MXRA5: variants seen among roughly 807,000 people sequenced by gnomAD.
The protein encoded by MXRA5 is matrix remodeling associated 5, also known as matrix-remodeling-associated protein 5.
Under a neutral mutation model 112.5 loss-of-function variants are expected in MXRA5, and 41 were observed. That is an observed-to-expected ratio of 0.36 (90% CI 0.28 to 0.47). The LOEUF is 0.47. Among genes scored for constraint, MXRA5 ranks in the 20% least tolerant of loss-of-function variants. The pLI is 0.99. For synonymous variants in MXRA5, 862 were observed against 900.8 expected (o/e 0.96, Z 0.77); for missense variants, 2,150 against 2,251.0 (o/e 0.96, Z 0.91).
chrX:3,317,295 C>G lies in MXRA5; in HGVS notation c.6386G>C (p.Gly2129Ala). Residue 2129 changes from glycine (G) to alanine (A), a missense_variant, in exon 6 of 7, where the codon GGC becomes GCC. By Grantham distance (60) the Gly-to-Ala change is moderately conservative. Coordinates refer to ENST00000217939, the MANE Select transcript of MXRA5 (RefSeq NM_015419.4). ...CAGCTGCACCGTCCTGCGCGCGGAG[C>G]CTACCAGGTTGGCGGCCACGCACTC... Reference protein sequence around the residue: ...RYECVAANLVGSARRTVQLNV... With the variant: ...RYECVAANLVASARRTVQLNV... The G allele has an allele frequency of 8.3e-7, 1 of 1,205,902 alleles. No homozygotes were observed. Among genetic ancestry groups the G allele is most frequent in the Non-Finnish European group, 1.1e-6 (1 of 892,017 alleles).
intron 2 of MXRA5, among the ~76,000 whole-genome samples, chrX:3,340,887 C>T (rs1921900645): frequency 1.0e-5 from 1 of 99,186 alleles, no homozygotes; most frequent in Non-Finnish European, 2.0e-5. Flanking sequence ...CCCTCATTTC[C>T]AGCCTGATAT....
At chrX:3,340,124 T>A (rs779781683) in intron 2 of MXRA5, among the ~76,000 whole-genome samples, 6 of 108,205 alleles carry the variant, frequency 5.5e-5, no homozygotes, top group East Asian at 2.8e-4. Flanking sequence ...TGAAAAAAAA[T>A]ATTTGGAAAG....
intron 1 of MXRA5, 32 bp from the exon 2 acceptor site, chrX:3,343,893 T>G (rs776543780): frequency 1.8e-6 from 2 of 1,125,066 alleles, no homozygotes; most frequent in African/African-American, 3.6e-5. Flanking sequence ...ATGAGCTTAT[T>G]CACAGGTAGC....
chrX:3,314,159 C>A (rs1040994244), intron 6 of MXRA5, among the ~76,000 whole-genome samples: 1 of 112,334 alleles, frequency 8.9e-6, no homozygotes, highest in Non-Finnish European at 1.9e-5. Flanking sequence ...TCCATTTTAC[C>A]TTTCCTCTAC....
Position 3,346,629 on chromosome X carries a change from G to C in MXRA5, c.-143C>G. The C allele has an allele frequency of 1.4e-6, 1 of 690,657 alleles. No individual in the cohort carries two copies. The highest frequency in any genetic ancestry group is 1.7e-6 in the Non-Finnish European group (1 of 580,691). 56.9% of individuals were successfully genotyped at this position (690,657 alleles called of 1,213,427 possible). A position where few individuals can be genotyped will look rare whatever the true frequency, so the allele number is the denominator to read the frequency against. Reference sequence around the variant, plus strand: ...GGGCCATGCCCTTCCCGGGGCCGGGGGTGAGGCAGCTCGGCTTCCCAGCGC... The same window carrying C: ...GGGCCATGCCCTTCCCGGGGCCGGGCGTGAGGCAGCTCGGCTTCCCAGCGC... On this transcript the variant is annotated 5_prime_UTR_variant, in exon 1 of 7. Transcript: ENST00000217939.
intron 2 of MXRA5, among the ~76,000 whole-genome samples, chrX:3,340,415 A>G (rs928435724): frequency 7.1e-5 from 8 of 112,210 alleles, no homozygotes; most frequent in African/African-American, 2.3e-4. Context: ...CAATGCTATT[A>G]TGATATTATT....
At position 3,330,620 on chromosome X, in the gene MXRA5, C is replaced by T. The variant is rs375778272; in HGVS notation, c.318+24G>A. On this transcript the variant is annotated intron_variant, in intron 3 of 6. Coordinates refer to ENST00000217939, the MANE Select transcript of MXRA5 (RefSeq NM_015419.4). ...GGTCTTAGAGGATGCAATTTAGTGA[C>T]GCTTATAAATGCCGTGGGTTTACCT... The T allele has an allele frequency of 3.5e-5, 42 of 1,200,053 alleles. No homozygotes were observed. The African/African-American group carries it at 5.2e-4, about 15-fold the overall frequency.
At chrX:3,332,577 A>G (rs1213442769) in intron 2 of MXRA5, among the ~76,000 whole-genome samples, 1 of 112,500 alleles carries the variant, frequency 8.9e-6, no homozygotes, top group Admixed American at 9.4e-5. Flanking sequence ...TTATGCAAAG[A>G]AAACATCAGA....
At position 3,321,239 on chromosome X, in the gene MXRA5, G is replaced by T. The variant is rs1921294991; in HGVS notation, c.4446C>A (p.Thr1482=). ...LLSETRPQNH[T]PTAARMKEPA... ...GCTCCTTCATCCGGGCAGCAGTAGG[G>T]GTGTGATTCTGTGGTCTAGTTTCAG... is the stretch of plus-strand genomic sequence containing the variant. Residue 1482 remains threonine, a synonymous_variant, in exon 5 of 7, where the codon ACC becomes ACA. Coordinates refer to ENST00000217939, the MANE Select transcript of MXRA5 (RefSeq NM_015419.4). The T allele has an allele frequency of 1.7e-6, 2 of 1,211,371 alleles. No individual in the cohort carries two copies. The highest frequency in any genetic ancestry group is 3.5e-5 in the African/African-American group (2 of 57,735).
At chrX:3,338,685 T>A (rs1182901196) in intron 2 of MXRA5, among the ~76,000 whole-genome samples, 2 of 109,134 alleles carry the variant, frequency 1.8e-5, no homozygotes, top group African/African-American at 6.7e-5. Flanking sequence ...ATGATAGAGA[T>A]CAATGATAGG....
At chrX:3,326,964 T>A (rs1336168946) in intron 4 of MXRA5, among the ~76,000 whole-genome samples, 1 of 110,947 alleles carries the variant, frequency 9.0e-6, no homozygotes, top group Admixed American at 9.6e-5. Flanking sequence ...GCAAGAAGAG[T>A]CCTCAAACTG....
intron 4 of MXRA5, among the ~76,000 whole-genome samples, chrX:3,327,525 G>A (rs1921542185): frequency 8.9e-6 from 1 of 112,181 alleles, no homozygotes; most frequent in African/African-American, 3.2e-5. Context: ...GAAAAGATGA[G>A]TTCAATGCTC....
At position 3,322,404 on chromosome X, in the gene MXRA5, G is replaced by T; in HGVS notation, c.3281C>A (p.Thr1094Asn). 1 of 1,211,639 alleles carries T rather than the reference G, an allele frequency of 8.3e-7. No homozygotes were observed. Among genetic ancestry groups the T allele is most frequent in the Non-Finnish European group, 1.1e-6 (1 of 895,427 alleles). ...TATACCCAGTGTGGAGTCAGGCAAA[G>T]TGATGGATTTGCTCTCTTGGCCCTC... Reference protein sequence around the residue: ...ESEGQESKSITLPDSTLGIMS... With the variant: ...ESEGQESKSINLPDSTLGIMS... The change falls in exon 5 of 7, where the codon ACT (threonine) becomes AAT (asparagine). Residue 1094 changes from threonine (T) to asparagine (N), a missense_variant. By Grantham distance (65) the Thr-to-Asn change is moderately conservative. Coordinates refer to ENST00000217939, the MANE Select transcript of MXRA5 (RefSeq NM_015419.4).
Position 3,330,752 on chromosome X carries a change from C to T in MXRA5, c.210G>A (p.Leu70=). Residue 70 remains leucine, a synonymous_variant, in exon 3 of 7, where the codon CTG becomes CTA. Transcript: ENST00000217939. ...INLGFNSIQA[L]SETSFAGLTK... The stretch of plus-strand genomic sequence containing the variant: ...TCAGTCCTGCAAATGAGGTTTCTGA[C>T]AGGGCCTGTATGCTATTAAACCTAA... The T allele has an allele frequency of 8.4e-7, 1 of 1,197,367 alleles. No individual in the cohort carries two copies. The highest frequency in any genetic ancestry group is 1.1e-6 in the Non-Finnish European group (1 of 885,167).
chrX:3,320,733 T>C lies in MXRA5; in HGVS notation c.4952A>G (p.Tyr1651Cys). 8.3e-7 allele frequency: 1 copy of C among 1,211,680 alleles called. No individual in the cohort carries two copies. The highest frequency in any genetic ancestry group is 1.1e-6 in the Non-Finnish European group (1 of 895,282). The stretch of plus-strand genomic sequence containing the variant: ...GTTCTCTGGCAAAGCCCCAGAAGGA[T>C]ATGTAGTTATTTCCGGTTTGTTGGT... ...HWTNKPEITT[Y>C]PSGALPENKQ... The change falls in exon 5 of 7, where the codon TAT (tyrosine) becomes TGT (cysteine). Residue 1651 changes from tyrosine to cysteine, a missense_variant. By Grantham distance (194) the Tyr-to-Cys change is radical. Transcript: ENST00000217939.
At chrX:3,314,150 C>A (rs1358797225) in intron 6 of MXRA5, among the ~76,000 whole-genome samples, 1 of 112,323 alleles carries the variant, frequency 8.9e-6, no homozygotes, top group Non-Finnish European at 1.9e-5. Context: ...TAGTTGGACT[C>A]CATTTTACCT....
At position 3,317,543 on chromosome X, in the gene MXRA5, G is replaced by C. The variant is rs772772559; in HGVS notation, c.6138C>G (p.Pro2046=). ...CCAGCTTCTCCTGGTGGATAACGGGGGGCAGTGCCGCCACGTGCAGGCGGA... is the reference window on the plus strand; with the variant it reads ...CCAGCTTCTCCTGGTGGATAACGGGCGGCAGTGCCGCCACGTGCAGGCGGA... ...LAIRLHVAAL[P]PVIHQEKLEN... is the part of the protein sequence containing the mutation. Residue 2046 remains proline, a synonymous_variant, in exon 6 of 7, where the codon CCC becomes CCG. Coordinates refer to ENST00000217939, the MANE Select transcript of MXRA5 (RefSeq NM_015419.4). The C allele has an allele frequency of 6.6e-6, 8 of 1,208,324 alleles. No homozygotes were observed. In the South Asian group the frequency reaches 1.2e-4, roughly 19 times the overall value.
At chrX:3,319,693 G>A (rs1268284354) in intron 5 of MXRA5, among the ~76,000 whole-genome samples, 1 of 111,502 alleles carries the variant, frequency 9.0e-6, no homozygotes, top group African/African-American at 3.3e-5. Flanking sequence ...GGGTGGCAAG[G>A]GTTGAAAAAT....
intron 1 of MXRA5, among the ~76,000 whole-genome samples, chrX:3,345,320 C>T (rs1201358915): frequency 1.8e-5 from 2 of 112,699 alleles, no homozygotes; most frequent in Non-Finnish European, 3.8e-5. Context: ...GTCCGGGCTC[C>T]GCCTCTGGGC....
Sources: allele counts gnomAD v4.1 joint callset (sites outside exome capture counted in the v4.1 genomes callset), GRCh38; gene constraint gnomAD v4.1.1; transcripts MANE v1.5; gene names NCBI Gene and HGNC (gene_info 2026-07-23, HGNC 2026-07-21).